The following ZNF664 variants were observed in gnomAD, a reference collection of about 807,000 sequenced individuals.
ZNF664 encodes the protein zinc finger protein 664.
In ZNF664, 10 loss-of-function variants were observed where a neutral mutation model predicts 18.2. The observed-to-expected ratio is 0.55, with a 90% CI of 0.34 to 0.93. The LOEUF (loss-of-function observed/expected upper bound fraction) is 0.93. Among genes scored for constraint, ZNF664 ranks in the 40% least tolerant of loss-of-function variants. The pLI, the probability that ZNF664 is intolerant of heterozygous loss-of-function variation, is 0.02. For synonymous variants in ZNF664, 119 were observed against 104.2 expected, an observed-to-expected ratio of 1.14 and a Z score of -0.86; for missense variants, 193 against 319.0, an observed-to-expected ratio of 0.61 and a Z score of 3.01.
intron 3 of ZNF664, among the ~76,000 whole-genome samples, chr12:124,001,855 T>A (rs1957016523): frequency 6.6e-6 from 1 of 152,232 alleles, no homozygotes; most frequent in Non-Finnish European, 1.5e-5. Flanking sequence ...CATTTGGTGC[T>A]TGAATGACTT....
At chr12:123,978,472 G>A (rs759428587) in intron 2 of ZNF664, among the ~76,000 whole-genome samples, 10 of 152,174 alleles carry the variant, frequency 6.6e-5, no homozygotes, top group South Asian at 2.1e-4. Flanking sequence ...ATGTACCAAA[G>A]CTTTATGAAG....
chr12:123,974,955 A>G (rs1331807760), intron 2 of ZNF664, among the ~76,000 whole-genome samples: 1 of 152,176 alleles, frequency 6.6e-6, no homozygotes, highest in Non-Finnish European at 1.5e-5. Flanking sequence ...CTAATTATCG[A>G]GATTCGGCAT....
chr12:123,990,296 A>G (rs1304076403), intron 3 of ZNF664, among the ~76,000 whole-genome samples: 1 of 152,170 alleles, frequency 6.6e-6, no homozygotes, highest in Non-Finnish European at 1.5e-5. Context: ...TTTTACCACA[A>G]TTTTTAAAAA....
chr12:124,002,179 T>A (rs1289897699), intron 3 of ZNF664, among the ~76,000 whole-genome samples: 2 of 152,102 alleles, frequency 1.3e-5, no homozygotes, highest in Non-Finnish European at 2.9e-5. Flanking sequence ...AGATGCCAGC[T>A]CCCTGAGGAC....
intron 3 of ZNF664, among the ~76,000 whole-genome samples, chr12:124,002,622 A>T (rs544472800): frequency 6.6e-6 from 1 of 152,204 alleles, no homozygotes; most frequent in African/African-American, 2.4e-5. Flanking sequence ...GAGGAGGTAG[A>T]GTGTGCAGTG....
At chr12:123,993,004 C>T (rs1029120429) in intron 3 of ZNF664, among the ~76,000 whole-genome samples, 4 of 152,138 alleles carry the variant, frequency 2.6e-5, no homozygotes, top group African/African-American at 9.7e-5. Context: ...GTGATAAGCA[C>T]ATCTGAGAAA....
intron 2 of ZNF664, among the ~76,000 whole-genome samples, chr12:123,980,864 T>A (rs2138331757): frequency 6.6e-6 from 1 of 152,326 alleles, no homozygotes. Flanking sequence ...ATTACATGTA[T>A]GATGGAACAT....
intron 2 of ZNF664, among the ~76,000 whole-genome samples, chr12:123,979,784 A>G (rs527841830): frequency 6.6e-6 from 1 of 152,112 alleles, no homozygotes; most frequent in African/African-American, 2.4e-5. Flanking sequence ...GGCTCAAGTG[A>G]TCTGCCTCAG....
chr12:123,992,504 A>G (rs1274522843), intron 3 of ZNF664, among the ~76,000 whole-genome samples: 3 of 152,304 alleles, frequency 2.0e-5, no homozygotes, highest in Admixed American at 2.0e-4. Flanking sequence ...TTTTGACCAA[A>G]CTCAAAAGCT....
At chr12:124,005,093 A>T (rs927989080) in intron 3 of ZNF664, among the ~76,000 whole-genome samples, 5 of 152,214 alleles carry the variant, frequency 3.3e-5, no homozygotes, top group African/African-American at 1.2e-4. Flanking sequence ...CCCTGCTGCC[A>T]AAAAGGTTGG....
chr12:124,010,010 A>G (rs1957116729), intron 3 of ZNF664, among the ~76,000 whole-genome samples: 1 of 151,128 alleles, frequency 6.6e-6, no homozygotes, highest in Non-Finnish European at 1.5e-5. Context: ...TTCCCTATCG[A>G]TGGCCTTCGG....
At chr12:123,980,000 A>G (rs897053763) in intron 2 of ZNF664, among the ~76,000 whole-genome samples, 1 of 152,156 alleles carries the variant, frequency 6.6e-6, no homozygotes, top group Non-Finnish European at 1.5e-5. Flanking sequence ...TTTTTTATAT[A>G]GAGAGGTAGA....
chr12:124,005,579 G>T (rs1231775433), intron 3 of ZNF664, among the ~76,000 whole-genome samples: 1 of 150,164 alleles, frequency 6.7e-6, no homozygotes, highest in African/African-American at 2.4e-5. Context: ...GAAAACAGAT[G>T]CAAAGTAGTG....
At chr12:123,993,658 C>T (rs1052445281) in intron 3 of ZNF664, among the ~76,000 whole-genome samples, 19 of 152,108 alleles carry the variant, frequency 1.2e-4, no homozygotes, top group Admixed American at 5.2e-4. Flanking sequence ...CCTCTTAACC[C>T]GGTTCCTTTG....
At chr12:123,999,772 G>A (rs575355334) in intron 3 of ZNF664, among the ~76,000 whole-genome samples, 1 of 152,306 alleles carries the variant, frequency 6.6e-6, no homozygotes, top group African/African-American at 2.4e-5. Context: ...TAGTTTGGCT[G>A]GAATTGGAGG....
chr12:123,988,999 T>G (rs1335261924), intron 3 of ZNF664, among the ~76,000 whole-genome samples: 1 of 152,170 alleles, frequency 6.6e-6, no homozygotes, highest in Non-Finnish European at 1.5e-5. Context: ...GGCATGAGCT[T>G]CTTGTCATTT....
At position 124,014,518 on chromosome 12, in the gene ZNF664, C is replaced by CT. The variant is rs1400423319; in HGVS notation, c.*1591dup. On this transcript the variant is annotated 3_prime_UTR_variant, in exon 5 of 5. Transcript: ENST00000337815. ...AGGAACAAAAGCAACCAATTTTTAA[C>CT]TTTCTCTTCTCATTCCTGTTTTCAT... The CT allele has an allele frequency of 4.2e-5, 7 of 167,100 alleles. No homozygotes were observed. Among genetic ancestry groups the CT allele is most frequent in the African/African-American group, 7.2e-5 (3 of 41,458 alleles). The allele number at this position is 167,100 out of a possible 1,614,324, so 10.4% of individuals were successfully genotyped here. A position where few individuals can be genotyped will look rare whatever the true frequency, so the allele number is the denominator to read the frequency against.
At chr12:123,984,608 G>A (rs944363498) in intron 2 of ZNF664, among the ~76,000 whole-genome samples, 1 of 152,066 alleles carries the variant, frequency 6.6e-6, no homozygotes, top group Non-Finnish European at 1.5e-5. Context: ...TGAAAGGGGT[G>A]TGGGGGCCGG....
At chr12:123,974,652 A>C (rs1281626831) in intron 2 of ZNF664, 1 of 152,210 alleles carries the variant, frequency 6.6e-6, no homozygotes, top group East Asian at 1.9e-4. Context: ...GCCGACTATT[A>C]TGTGTGTGGT....
Sources: allele counts gnomAD v4.1 joint callset (sites outside exome capture counted in the v4.1 genomes callset), GRCh38; gene constraint gnomAD v4.1.1; transcripts MANE v1.5; gene names NCBI Gene and HGNC (gene_info 2026-07-23, HGNC 2026-07-21).